Variants in NAV3 observed in about 807,000 individuals in gnomAD.
NAV3 encodes neuron navigator 3.
In NAV3, 87 loss-of-function variants were observed where a neutral mutation model predicts 244.7. The observed-to-expected ratio is 0.36, with a 90% CI of 0.30 to 0.42. NAV3 has a LOEUF of 0.42. Ranked by LOEUF, NAV3 falls within the 20% of genes least tolerant of loss-of-function variation. The pLI is 1.00. For synonymous variants in NAV3, 1,126 were observed against 1,042.2 expected (o/e 1.08, Z -1.55); for missense variants, 2,663 against 2,893.3 (o/e 0.92, Z 1.83).
chr12:77,875,477 C>T (rs180938346), intron 1 of NAV3, among the ~76,000 whole-genome samples: 21 of 151,900 alleles, frequency 1.4e-4, no homozygotes, highest in African/African-American at 4.6e-4. Context: ...ATATTAGTTC[C>T]GTGAGAACAA....
In NAV3 at chr12:78,007,052, T is replaced by G. The variant is rs200981782; in HGVS notation, c.1514T>G (p.Leu505Trp). ...APKKTSKIAS[L>W]IPKGSKTTAA... ...AAAAAGACCTCCAAAATTGCAAGCT[T>G]GATCCCTAAGGGCAGCAAGACAACA... The change falls in exon 8 of 40, where the codon TTG (leucine) becomes TGG (tryptophan). Residue 505 changes from leucine to tryptophan, a missense_variant. Leu to Trp is a moderately conservative substitution (Grantham distance 61, BLOSUM62 -2). Around this residue, in one of 6 missense-constraint regions of NAV3, gnomAD observed 1,521 missense variants for 1,497.0 expected, o/e 1.02. Transcript: ENST00000397909. The G allele has an allele frequency of 1.8e-4, 289 of 1,614,016 alleles. 1 individual carries two copies. Among genetic ancestry groups the G allele is most frequent in the Non-Finnish European group, 2.6e-5 (31 of 1,180,034 alleles).
At chr12:77,999,921 T>C (rs1027157669) in intron 7 of NAV3, among the ~76,000 whole-genome samples, 4 of 152,170 alleles carry the variant, frequency 2.6e-5, no homozygotes, top group Non-Finnish European at 1.5e-5. Flanking sequence ...ATGTGTTAAA[T>C]AGACTACCAA....
chr12:77,997,582 A>G (rs569664933), intron 6 of NAV3, among the ~76,000 whole-genome samples: 3 of 152,230 alleles, frequency 2.0e-5, no homozygotes, highest in Non-Finnish European at 4.4e-5. Context: ...TTGTCACTAC[A>G]TGTAAGCATA....
At chr12:77,841,780 A>G (rs1458789417) in intron 1 of NAV3, among the ~76,000 whole-genome samples, 2 of 152,190 alleles carry the variant, frequency 1.3e-5, no homozygotes, top group African/African-American at 4.8e-5. Flanking sequence ...GGTAACAAAG[A>G]AACTAGGTTC....
rs545662418 is a variant in NAV3, at chr12:78,202,904, A to C, written c.6835-2031A>C. Among the ~76,000 whole-genome samples, 6 of 152,262 alleles carry C rather than the reference A, an allele frequency of 3.9e-5. No homozygotes were observed. The South Asian group carries it at 1.0e-3, about 26-fold the overall frequency. ...TCCCATGGATTTACTGGCAACAAAG[A>C]ATCTTGGATTGGAGAAAGAAGTGGA... On this transcript the variant is annotated intron_variant, in intron 38 of 39. Transcript: ENST00000397909.
At chr12:77,787,956 T>G (rs1324096407) in intron 2 of NAV3, among the ~76,000 whole-genome samples, 1 of 152,228 alleles carries the variant, frequency 6.6e-6, no homozygotes, top group Non-Finnish European at 1.5e-5. Flanking sequence ...TTATTAGTCC[T>G]GTTATTTGGA....
chr12:78,190,931 C>T (rs1453966025), intron 34 of NAV3, among the ~76,000 whole-genome samples: 1 of 152,082 alleles, frequency 6.6e-6, no homozygotes, highest in Admixed American at 6.6e-5. Flanking sequence ...TTAACACTAA[C>T]CTAGTTTTAC....
At chr12:78,051,651 G>T (rs1882780497) in intron 11 of NAV3, among the ~76,000 whole-genome samples, 1 of 152,140 alleles carries the variant, frequency 6.6e-6, no homozygotes, top group African/African-American at 2.4e-5. Context: ...GATGGTATCA[G>T]ATTTCAATAC....
At chr12:77,793,000 A>G (rs2135948262) in intron 2 of NAV3, among the ~76,000 whole-genome samples, 1 of 152,244 alleles carries the variant, frequency 6.6e-6, no homozygotes, top group Admixed American at 6.5e-5. Context: ...GAGGCTTCCC[A>G]TGGTCCCACG....
intron 18 of NAV3, among the ~76,000 whole-genome samples, chr12:78,129,344 A>G (rs1446691459): frequency 6.6e-6 from 1 of 152,200 alleles, no homozygotes; most frequent in Non-Finnish European, 1.5e-5. Context: ...AGGAAGAAAA[A>G]AATATGTAAT....
intron 23 of NAV3, among the ~76,000 whole-genome samples, chr12:78,160,410 T>TGC (rs1555184881): frequency 8.6e-5 from 11 of 127,946 alleles, no homozygotes; most frequent in Non-Finnish European, 1.6e-4. Flanking sequence ...CGTGCGTGTG[T>TGC]GTGTGTGTGT....
At position 78,006,692 on chromosome 12, in the gene NAV3, T is replaced by C. The variant is rs2136566038; in HGVS notation, c.1154T>C (p.Leu385Pro). Residue 385 changes from leucine to proline, a missense_variant, in exon 8 of 40, where the codon CTT (leucine) becomes CCT (proline). By Grantham distance (98) the Leu-to-Pro change is moderately conservative (BLOSUM62 -3). Around this residue, in one of 6 missense-constraint regions of NAV3, gnomAD observed 1,521 missense variants for 1,497.0 expected, o/e 1.02. Transcript: ENST00000397909. ...KTAPSGQKSM[L>P]EKFKLVNART... ...GCTCCCTCAGGACAGAAATCCATGC[T>C]TGAGAAATTCAAGCTAGTCAATGCC... 3 of 1,614,030 alleles carry C rather than the reference T, an allele frequency of 1.9e-6. No homozygotes were observed. Among genetic ancestry groups the C allele is most frequent in the Non-Finnish European group, 2.5e-6 (3 of 1,180,010 alleles).
At position 78,051,873 on chromosome 12, in the gene NAV3, T is replaced by C. The variant is rs3912148; in HGVS notation, c.2516+726T>C. On this transcript the variant is annotated intron_variant, in intron 11 of 39. Transcript: ENST00000397909. The stretch of plus-strand genomic sequence containing the variant: ...GCTCTTGTCAAGTGCTTTGAAGATA[T>C]TGTTTTACTTTTCCTTCCCACCACC... Among the ~76,000 whole-genome samples the C allele has an allele frequency of 6.3e-4, 96 of 152,260 alleles. 2 individuals are homozygous for C. Among genetic ancestry groups the C allele is most frequent in the Admixed American group, 6.3e-3 (96 of 15,294 alleles).
chr12:77,829,644 GTGT>G (rs1873385638), upstream of NAV3, among the ~76,000 whole-genome samples: 1 of 152,092 alleles, frequency 6.6e-6, no homozygotes, highest in South Asian at 2.1e-4. Context: ...GATACCACTA[GTGT>G]TGTATTTGTT....
intron 25 of NAV3, 39 bp from the exon 26 acceptor site, chr12:78,176,400 C>G: frequency 6.2e-7 from 1 of 1,607,710 alleles, no homozygotes; most frequent in African/African-American, 1.3e-5. Flanking sequence ...CCTTCATTCC[C>G]TTGATTTGTA....
Position 77,653,252 on chromosome 12 carries a change from C to G in NAV3, c.72+80986C>G, listed in dbSNP as rs1872912269. Reference sequence around the variant, plus strand: ...TTCAAGAGCAGAACCTGTCCCTGTTCCCCTTTCTATCACTGGTACCTAGCA... The same window carrying G: ...TTCAAGAGCAGAACCTGTCCCTGTTGCCCTTTCTATCACTGGTACCTAGCA... On this transcript the variant is annotated intron_variant, in intron 2 of 8. Coordinates refer to the NAV3 transcript ENST00000550042. Among the ~76,000 whole-genome samples the G allele has an allele frequency of 1.3e-5, 2 of 152,168 alleles. 1 individual carries two copies. The highest frequency in any genetic ancestry group is 4.1e-4 in the South Asian group (2 of 4,836).
chr12:77,718,862 G>C (rs111761865), intron 2 of NAV3, among the ~76,000 whole-genome samples: 3 of 151,834 alleles, frequency 2.0e-5, no homozygotes, highest in Non-Finnish European at 4.4e-5. Context: ...CTGCATGTTG[G>C]TCAGGTGGTC....
chr12:78,138,499 G>A (rs1003143462), intron 19 of NAV3, among the ~76,000 whole-genome samples: 5 of 152,184 alleles, frequency 3.3e-5, no homozygotes, highest in African/African-American at 4.8e-5. Context: ...GAGAATAGTT[G>A]TCATTGCCTT....
chr12:77,938,701 G>A (rs1474585933), intron 1 of NAV3, among the ~76,000 whole-genome samples: 1 of 152,060 alleles, frequency 6.6e-6, no homozygotes, highest in African/African-American at 2.4e-5. Flanking sequence ...ATGAGTTCAG[G>A]AAGGTACATA....
Sources: gnomAD v4.1 joint callset for allele counts (sites outside exome capture counted in the v4.1 genomes callset) on GRCh38, gnomAD v4.1.1 for gene constraint, gnomAD v4.1.1 regional missense constraint, MANE v1.5 for transcripts, NCBI Gene and HGNC (gene_info 2026-07-23, HGNC 2026-07-21) for gene names.